Variants in ERO1B observed in about 807,000 individuals in gnomAD.
The protein encoded by ERO1B is ERO1-like protein beta.
A neutral mutation model predicts 75.3 loss-of-function variants in ERO1B; 49 were observed. That is an observed-to-expected ratio of 0.65 (90% confidence interval 0.52 to 0.83). ERO1B has a LOEUF of 0.83. Ranked by LOEUF, ERO1B falls within the 40% of genes least tolerant of loss-of-function variation. ERO1B has a pLI of 0.00. For missense variants in ERO1B, 512 were observed against 560.1 expected (o/e 0.91, Z 0.87); for synonymous variants, 191 against 192.9 (o/e 0.99, Z 0.08).
At chr1:236,269,625 G>C (rs1665544448) in intron 2 of ERO1B, among the ~76,000 whole-genome samples, 1 of 152,200 alleles carries the variant, frequency 6.6e-6, no homozygotes, top group South Asian at 2.1e-4. Flanking sequence ...GGCATTTTCA[G>C]CTTCTATAGA....
intron 13 of ERO1B, 133 bp from the exon 14 acceptor site, chr1:236,222,143 T>C: frequency 1.4e-6 from 1 of 732,746 alleles, no homozygotes; most frequent in Non-Finnish European, 2.3e-6. Context: ...GGAGTTTTGC[T>C]TTGTCGCCCA....
At chr1:236,222,134 G>A (rs1235301696) in intron 13 of ERO1B, 124 bp from the exon 14 acceptor site, 1 of 795,966 alleles carries the variant, frequency 1.3e-6, no homozygotes, top group African/African-American at 1.7e-5. Context: ...GTTTGAGAAG[G>A]AGTTTTGCTT....
intron 8 of ERO1B, among the ~76,000 whole-genome samples, chr1:236,233,125 C>A (rs1406719327): frequency 1.3e-5 from 2 of 151,608 alleles, no homozygotes; most frequent in Non-Finnish European, 2.9e-5. Flanking sequence ...GCCTGGCCAA[C>A]ATGTGAAACC....
In ERO1B at chr1:236,215,942, A is replaced by G. The variant is rs1453008355; in HGVS notation, c.*2574T>C. The G allele has an allele frequency of 6.7e-6, 1 of 150,048 alleles. No individual in the cohort carries two copies. Among genetic ancestry groups the G allele is most frequent in the African/African-American group, 2.5e-5 (1 of 39,876 alleles). The allele number at this position is 150,048 out of a possible 1,614,324, so 9.3% of individuals were successfully genotyped here. On this transcript the variant is annotated 3_prime_UTR_variant, in exon 16 of 16. Coordinates refer to ENST00000354619, the MANE Select transcript of ERO1B (RefSeq NM_019891.4). ...TACATACAGAGATTACAAATATCGA[A>G]TAATTCACAATGTTAAAAATGTCAA...
Position 236,281,793 on chromosome 1 carries a change from T to C in ERO1B, c.-10A>G, listed in dbSNP as rs1163513293. On this transcript the variant is annotated 5_prime_UTR_variant, in exon 1 of 16. Transcript: ENST00000354619. ...GGACCCCTTGGCTCATGCTGACCTC[T>C]ACCCACACCGCGGCCAGCCGGACCC... 7.7e-6 allele frequency: 11 copies of C among 1,436,804 alleles called. No individual in the cohort carries two copies. Among genetic ancestry groups the C allele is most frequent in the East Asian group, 2.8e-5 (1 of 35,580 alleles). 89.0% of individuals were successfully genotyped at this position (1,436,804 alleles called of 1,614,324 possible). A position where few individuals can be genotyped will look rare whatever the true frequency, so the allele number is the denominator to read the frequency against.
At chr1:236,281,635 G>A (rs1381657229) in intron 1 of ERO1B, 47 bp downstream of exon 1, 2 of 1,273,384 alleles carry the variant, frequency 1.6e-6, no homozygotes, top group East Asian at 3.1e-5. Context: ...TGTAGCGGCC[G>A]CGGGTGTTCG....
intron 14 of ERO1B, among the ~76,000 whole-genome samples, chr1:236,221,269 A>G (rs1664132598): frequency 6.6e-6 from 1 of 152,162 alleles, no homozygotes; most frequent in Non-Finnish European, 1.5e-5. Flanking sequence ...TCAATTTGTA[A>G]CCATAAAGGA....
chr1:236,256,954 A>T (rs1452091807), intron 2 of ERO1B, among the ~76,000 whole-genome samples: 1 of 152,206 alleles, frequency 6.6e-6, no homozygotes, highest in Non-Finnish European at 1.5e-5. Flanking sequence ...GAATACAGGC[A>T]TCTGCCTCAG....
chr1:236,259,350 A>G (rs1199204141), intron 2 of ERO1B, among the ~76,000 whole-genome samples: 3 of 152,246 alleles, frequency 2.0e-5, no homozygotes, highest in African/African-American at 7.2e-5. Flanking sequence ...TTAACAAAAA[A>G]AGCAATTAAC....
At chr1:236,270,491 A>G (rs1665566342) in intron 1 of ERO1B, among the ~76,000 whole-genome samples, 1 of 152,178 alleles carries the variant, frequency 6.6e-6, no homozygotes, top group South Asian at 2.1e-4. Context: ...ATATAAGGAA[A>G]TTAAGGTTTA....
chr1:236,245,933 T>G (rs554306680), intron 5 of ERO1B, among the ~76,000 whole-genome samples: 1 of 151,918 alleles, frequency 6.6e-6, no homozygotes, highest in South Asian at 2.1e-4. Flanking sequence ...GGTGGACACA[T>G]GTCAAAACAT....
chr1:236,276,556 A>G (rs958175557), intron 1 of ERO1B, among the ~76,000 whole-genome samples: 2 of 152,242 alleles, frequency 1.3e-5, no homozygotes, highest in African/African-American at 4.8e-5. Context: ...AATGCCGCCA[A>G]CAGGTAAAGC....
chr1:236,280,030 C>T (rs1197128670), intron 1 of ERO1B, among the ~76,000 whole-genome samples: 1 of 152,094 alleles, frequency 6.6e-6, no homozygotes, highest in Non-Finnish European at 1.5e-5. Context: ...TGGCTCACAC[C>T]TGTAATCCCA....
intron 4 of ERO1B, among the ~76,000 whole-genome samples, chr1:236,250,618 TCAAACGTGTGTGTGCAA>T (rs1665001881): frequency 6.4e-5 from 7 of 110,224 alleles, no homozygotes; most frequent in Non-Finnish European, 1.2e-4. Context: ...TATATATATA[TCAAACGTGTGTGTGCAA>T]ACATATATAT....
intron 4 of ERO1B, among the ~76,000 whole-genome samples, chr1:236,251,795 A>AG (rs1344868860): frequency 3.9e-5 from 6 of 152,318 alleles, no homozygotes; most frequent in Non-Finnish European, 7.4e-5. Flanking sequence ...CCTGCTGACT[A>AG]GGGGATCTGA....
Position 236,254,856 on chromosome 1 carries a change from G to A in ERO1B, c.223-1351C>T, listed in dbSNP as rs541005779. Reference sequence around the variant, plus strand: ...TCGAACTCCTGACCTCAGGTGACCCGCCTGCCTTGGCCTCCCAAAGTGCTG... The same window carrying A: ...TCGAACTCCTGACCTCAGGTGACCCACCTGCCTTGGCCTCCCAAAGTGCTG... On this transcript the variant is annotated intron_variant, in intron 2 of 15. Transcript: ENST00000354619. Among the ~76,000 whole-genome samples, 23 of 151,640 alleles carry A rather than the reference G, an allele frequency of 1.5e-4. No homozygotes were observed. In the South Asian group the frequency reaches 1.9e-3, roughly 12 times the overall value.
chr1:236,252,099 AAAC>A lies in ERO1B; in HGVS notation c.307-11_307-9del, dbSNP rs751219310. On this transcript the variant is annotated splice_polypyrimidine_tract_variant and intron_variant, in intron 3 of 15. Coordinates refer to ENST00000354619, the MANE Select transcript of ERO1B (RefSeq NM_019891.4). The stretch of plus-strand genomic sequence containing the variant: ...TCCAACCGGAATTTTACTCTTAAAA[AAAC>A]AAGAAAAGCAAAAAAATTTTTAAGT... 12 of 1,594,030 alleles carry A rather than the reference AAAC, an allele frequency of 7.5e-6. No homozygotes were observed. The African/African-American group carries it at 1.2e-4, about 16-fold the overall frequency.
chr1:236,268,758 T>C (rs189039469), intron 2 of ERO1B, among the ~76,000 whole-genome samples: 1,926 of 151,192 alleles, frequency 0.013, 20 homozygotes, highest in Middle Eastern at 0.036. Flanking sequence ...TGGTGGCAGG[T>C]GCCTGTAGTC....
rs143613477 is a variant in ERO1B at position 236,277,521 on chromosome 1, C to T, written c.102+4161G>A. 1.8e-4 allele frequency among the ~76,000 whole-genome samples: 27 copies of T among 152,070 alleles called. 2 individuals carry two copies. The highest frequency in any genetic ancestry group is 6.3e-4 in the African/African-American group (26 of 41,468). On this transcript the variant is annotated intron_variant, in intron 1 of 15. Coordinates refer to ENST00000354619, the MANE Select transcript of ERO1B (RefSeq NM_019891.4). ...AGATTACTGGAGCCATGTCCATGAG[C>T]GGCAAACAAGGAATGAGACCTAACA...
Sources: gnomAD v4.1 joint callset for allele counts (sites outside exome capture counted in the v4.1 genomes callset) on GRCh38, gnomAD v4.1.1 for gene constraint, MANE v1.5 for transcripts, NCBI Gene and HGNC (gene_info 2026-07-23, HGNC 2026-07-21) for gene names.